GPC6: variants seen among roughly 807,000 people sequenced by gnomAD.
GPC6 encodes the protein glypican-6.
Under a neutral mutation model 55.2 loss-of-function variants are expected in GPC6, and 14 were observed. The observed-to-expected ratio is 0.25, with a 90% CI of 0.17 to 0.40. The LOEUF (loss-of-function observed/expected upper bound fraction) is 0.40. GPC6 is among the 10% of genes least tolerant of loss of function. GPC6 has a pLI of 1.00. For missense variants in GPC6, 641 were observed against 708.5 expected (o/e 0.90, Z 1.08); for synonymous variants, 278 against 259.6 (o/e 1.07, Z -0.68).
intron 6 of GPC6, among the ~76,000 whole-genome samples, chr13:94,315,104 T>A (rs899112438): frequency 7.2e-5 from 11 of 152,236 alleles, no homozygotes; most frequent in African/African-American, 2.7e-4. Context: ...CTTATACCCA[T>A]AACACTGGCT....
chr13:93,569,663 T>C (rs1320103530), intron 2 of GPC6, among the ~76,000 whole-genome samples: 5 of 152,060 alleles, frequency 3.3e-5, no homozygotes, highest in African/African-American at 4.8e-5. Flanking sequence ...TTAGTTATCT[T>C]AATAACTAAT....
chr13:93,298,901 T>G (rs369179434), intron 1 of GPC6, among the ~76,000 whole-genome samples: 3 of 129,558 alleles, frequency 2.3e-5, no homozygotes, highest in East Asian at 2.2e-4. Context: ...TCTCTTAGGG[T>G]TTTTTTTTTT....
At chr13:93,289,256 A>G (rs552556059) in intron 1 of GPC6, among the ~76,000 whole-genome samples, 53 of 152,232 alleles carry the variant, frequency 3.5e-4, no homozygotes, top group African/African-American at 1.1e-3. Flanking sequence ...AGAATGCCTG[A>G]CTCATATTCT....
intron 4 of GPC6, among the ~76,000 whole-genome samples, chr13:94,081,303 T>C (rs932195181): frequency 1.3e-5 from 2 of 152,214 alleles, no homozygotes; most frequent in Admixed American, 1.3e-4. Flanking sequence ...TAATTGTCAA[T>C]GATCCTAAAC....
chr13:93,973,674 T>C, intron 3 of GPC6, among the ~76,000 whole-genome samples: 2 of 152,294 alleles, frequency 1.3e-5, no homozygotes, highest in South Asian at 4.1e-4. Context: ...CTCTAAAGAT[T>C]TGAGTGCCTT....
chr13:93,393,878 T>C (rs1179817665), intron 1 of GPC6, among the ~76,000 whole-genome samples: 1 of 148,986 alleles, frequency 6.7e-6, no homozygotes, highest in Non-Finnish European at 1.5e-5. Context: ...ATTTTTTTTT[T>C]CTTATTCCTT....
chr13:94,293,153 C>T (rs1169762743), intron 5 of GPC6, among the ~76,000 whole-genome samples: 2 of 152,090 alleles, frequency 1.3e-5, no homozygotes, highest in East Asian at 3.9e-4. Flanking sequence ...GGTTGAACAC[C>T]TGCTGTATCC....
intron 2 of GPC6, among the ~76,000 whole-genome samples, chr13:93,559,441 A>G (rs1875647228): frequency 2.0e-5 from 3 of 152,218 alleles, no homozygotes; most frequent in South Asian, 4.1e-4. Context: ...TGCTGGGCAC[A>G]TGATTGATGA....
chr13:94,281,305 CT>C (rs1198775124), intron 4 of GPC6, among the ~76,000 whole-genome samples: 2 of 152,112 alleles, frequency 1.3e-5, no homozygotes, highest in African/African-American at 4.8e-5. Context: ...AGGTTTTAAG[CT>C]CCACATGCAT....
intron 3 of GPC6, among the ~76,000 whole-genome samples, chr13:93,846,044 CT>C (rs1377819676): frequency 6.6e-6 from 1 of 151,998 alleles, no homozygotes; most frequent in Non-Finnish European, 1.5e-5. Flanking sequence ...GAAAACTCTA[CT>C]ATTTCTGATG....
At chr13:94,135,951 GGCAGAAGAATAGCACCTCTCAGCCT>G (rs960538313) in intron 4 of GPC6, among the ~76,000 whole-genome samples, 5 of 152,108 alleles carry the variant, frequency 3.3e-5, no homozygotes, top group African/African-American at 1.2e-4. Context: ...GCAGCTTCCA[GGCAGAAGAATAGCACCTCTCAGCCT>G]GCAGATCTTC....
At chr13:93,764,572 AT>A (rs1464989303) in intron 2 of GPC6, among the ~76,000 whole-genome samples, 2 of 94,464 alleles carry the variant, frequency 2.1e-5, no homozygotes, top group African/African-American at 4.4e-5. Flanking sequence ...TGAGAAAAAA[AT>A]AAAGATGTAA....
chr13:93,270,150 T>C (rs1877468789), intron 1 of GPC6, among the ~76,000 whole-genome samples: 1 of 151,080 alleles, frequency 6.6e-6, no homozygotes, highest in Non-Finnish European at 1.5e-5. Flanking sequence ...CTTGGGAGGC[T>C]CAATTGGGAG....
chr13:93,926,732 A>G (rs1412361220), intron 3 of GPC6, among the ~76,000 whole-genome samples: 2 of 152,160 alleles, frequency 1.3e-5, no homozygotes, highest in African/African-American at 4.8e-5. Flanking sequence ...AAATGATAAG[A>G]TTCCCAGCTT....
chr13:93,516,488 G>A (rs754418479), intron 1 of GPC6, among the ~76,000 whole-genome samples: 15 of 152,034 alleles, frequency 9.9e-5, no homozygotes, highest in Admixed American at 5.9e-4. Flanking sequence ...GGTACAATTG[G>A]AAACAAGCTG....
At chr13:94,027,284 A>C (rs1480149771) in intron 3 of GPC6, among the ~76,000 whole-genome samples, 1 of 152,174 alleles carries the variant, frequency 6.6e-6, no homozygotes, top group Non-Finnish European at 1.5e-5. Context: ...ATCTCAGACA[A>C]GTTGATATTG....
intron 2 of GPC6, among the ~76,000 whole-genome samples, chr13:93,735,520 C>CAA (rs35851863): frequency 2.0e-3 from 245 of 123,470 alleles, no homozygotes; most frequent in African/African-American, 3.4e-3. Context: ...GACTCCATCT[C>CAA]AAAAAAAAAA....
chr13:93,918,918 T>G (rs981730717), intron 3 of GPC6, among the ~76,000 whole-genome samples: 12 of 152,234 alleles, frequency 7.9e-5, no homozygotes, highest in Non-Finnish European at 1.8e-4. Flanking sequence ...TGGTCTGTGA[T>G]ATGGTTTGGA....
chr13:93,625,204 A>T (rs551847381), intron 2 of GPC6, among the ~76,000 whole-genome samples: 2 of 152,268 alleles, frequency 1.3e-5, no homozygotes, highest in East Asian at 1.9e-4. Context: ...AATAAAAAGG[A>T]TGTATAGTAT....
Sources: gnomAD v4.1 joint callset for allele counts (sites outside exome capture counted in the v4.1 genomes callset) on GRCh38, gnomAD v4.1.1 for gene constraint, MANE v1.5 for transcripts, NCBI Gene and HGNC (gene_info 2026-07-23, HGNC 2026-07-21) for gene names.